SDK1: variants seen among roughly 807,000 people sequenced by gnomAD.
SDK1 encodes sidekick cell adhesion molecule 1, also known as protein sidekick-1.
A neutral mutation model predicts 245.5 loss-of-function variants in SDK1; 157 were observed. That is an observed-to-expected ratio of 0.64 (90% CI 0.56 to 0.73). The LOEUF is 0.73. SDK1 is among the 30% of genes least tolerant of loss of function. The pLI, the probability that SDK1 is intolerant of heterozygous loss-of-function variation, is 0.00. For missense variants in SDK1, 3,583 were observed against 3,002.3 expected, an observed-to-expected ratio of 1.19 and a Z score of -4.52; for synonymous variants, 1,647 against 1,278.5, an observed-to-expected ratio of 1.29 and a Z score of -6.15.
intron 4 of SDK1, among the ~76,000 whole-genome samples, chr7:3,776,068 G>T (rs1055563615): frequency 6.6e-6 from 1 of 152,134 alleles, no homozygotes; most frequent in Non-Finnish European, 1.5e-5. Flanking sequence ...CACCTACCAC[G>T]CATCAAAGTG....
intron 5 of SDK1, among the ~76,000 whole-genome samples, chr7:3,913,561 G>C (rs767735470): frequency 2.0e-4 from 31 of 152,040 alleles, no homozygotes; most frequent in African/African-American, 7.5e-4. Context: ...CCAAAGTGCT[G>C]ACATTACAGG....
At chr7:3,545,872 T>G (rs1274486764) in intron 1 of SDK1, among the ~76,000 whole-genome samples, 1 of 152,254 alleles carries the variant, frequency 6.6e-6, no homozygotes, top group Non-Finnish European at 1.5e-5. Context: ...ATATAATTTC[T>G]GTTCTGTATA....
chr7:3,429,522 T>C (rs893349974), intron 1 of SDK1, among the ~76,000 whole-genome samples: 10 of 152,174 alleles, frequency 6.6e-5, no homozygotes, highest in Non-Finnish European at 1.3e-4. Context: ...CATGTTGTGT[T>C]GTATGGACCT....
intron 25 of SDK1, among the ~76,000 whole-genome samples, chr7:4,118,430 A>G (rs1783853902): frequency 6.6e-6 from 1 of 152,230 alleles, no homozygotes; most frequent in South Asian, 2.1e-4. Flanking sequence ...TTGGACAATA[A>G]CAGGTATTGG....
chr7:3,318,283 T>C (rs565727826), intron 1 of SDK1, among the ~76,000 whole-genome samples: 12 of 152,326 alleles, frequency 7.9e-5, no homozygotes, highest in Admixed American at 3.9e-4. Flanking sequence ...TAACATAGTG[T>C]CATGAGTCGT....
At chr7:4,096,723 G>C (rs1482932030) in intron 22 of SDK1, among the ~76,000 whole-genome samples, 1 of 152,038 alleles carries the variant, frequency 6.6e-6, no homozygotes, top group Non-Finnish European at 1.5e-5. Flanking sequence ...TGTGGAGTGT[G>C]CAGGGCCCTG....
At chr7:4,128,748 G>C (rs1784559920) in intron 26 of SDK1, among the ~76,000 whole-genome samples, 4 of 147,590 alleles carry the variant, frequency 2.7e-5, no homozygotes, top group South Asian at 4.5e-4. Flanking sequence ...GAGCAGCTTG[G>C]GGTGGGGTCC....
intron 1 of SDK1, among the ~76,000 whole-genome samples, chr7:3,360,690 A>G (rs935521065): frequency 1.3e-5 from 2 of 152,150 alleles, no homozygotes; most frequent in Non-Finnish European, 2.9e-5. Flanking sequence ...TGCTGTCACT[A>G]TCCCAACCAC....
chr7:3,391,864 A>C (rs555462756), intron 1 of SDK1, among the ~76,000 whole-genome samples: 1 of 151,742 alleles, frequency 6.6e-6, no homozygotes, highest in African/African-American at 2.4e-5. Context: ...CCTGAGCTCA[A>C]GCAATGCACC....
At chr7:3,721,765 A>G (rs1387379611) in intron 4 of SDK1, among the ~76,000 whole-genome samples, 11 of 152,186 alleles carry the variant, frequency 7.2e-5, no homozygotes, top group Admixed American at 7.2e-4. Context: ...CCATAAGAAA[A>G]GAGAACCCAG....
intron 1 of SDK1, among the ~76,000 whole-genome samples, chr7:3,594,529 A>G (rs1289795243): frequency 6.6e-6 from 1 of 152,158 alleles, no homozygotes; most frequent in Non-Finnish European, 1.5e-5. Context: ...GAGACCGCCA[A>G]ACCATTTCCA....
intron 4 of SDK1, among the ~76,000 whole-genome samples, chr7:3,717,754 A>G (rs1445142099): frequency 1.3e-5 from 2 of 152,240 alleles, no homozygotes; most frequent in African/African-American, 4.8e-5. Context: ...TAAAGCCCTT[A>G]GAGAAACTTA....
intron 5 of SDK1, among the ~76,000 whole-genome samples, chr7:3,856,897 A>G (rs1780561023): frequency 6.6e-6 from 1 of 152,220 alleles, no homozygotes; most frequent in Non-Finnish European, 1.5e-5. Context: ...AGCAACATTA[A>G]TATAAGAAAA....
At chr7:3,929,284 C>T (rs976131966) in intron 5 of SDK1, among the ~76,000 whole-genome samples, 1 of 152,200 alleles carries the variant, frequency 6.6e-6, no homozygotes, top group African/African-American at 2.4e-5. Flanking sequence ...ACAGATTCCT[C>T]GGTGTGTTGT....
chr7:3,998,338 G>A (rs908257708), intron 14 of SDK1, among the ~76,000 whole-genome samples: 1 of 152,250 alleles, frequency 6.6e-6, no homozygotes, highest in African/African-American at 2.4e-5. Flanking sequence ...GCTGGCTGCT[G>A]TCATCAAAAG....
chr7:3,567,661 G>C (rs1431525425), intron 1 of SDK1, among the ~76,000 whole-genome samples: 2 of 152,200 alleles, frequency 1.3e-5, no homozygotes, highest in African/African-American at 4.8e-5. Context: ...TATCATTCCA[G>C]AATTGTCAGG....
At chr7:4,256,307 C>A (rs1384702963) in intron 44 of SDK1, among the ~76,000 whole-genome samples, 1 of 152,232 alleles carries the variant, frequency 6.6e-6, no homozygotes, top group East Asian at 1.9e-4. Flanking sequence ...GACCTCCTCA[C>A]ATTGCCATTC....
At position 3,377,606 on chromosome 7, in the gene SDK1, C is replaced by T. The variant is rs187476623; in HGVS notation, c.298+75722C>T. ...CGTCTCTGTGTCTGTTGTAACAGTT[C>T]TGAGTTCCCTTTGTTCTCTCTCAAG... On this transcript the variant is annotated intron_variant, in intron 1 of 44. Transcript: ENST00000404826. 6.6e-5 allele frequency among the ~76,000 whole-genome samples: 10 copies of T among 152,080 alleles called. 1 individual carries two copies. Among genetic ancestry groups the T allele is most frequent in the African/African-American group, 2.4e-4 (10 of 41,394 alleles).
At chr7:3,473,297 C>A (rs1781241357) in intron 1 of SDK1, among the ~76,000 whole-genome samples, 1 of 152,130 alleles carries the variant, frequency 6.6e-6, no homozygotes, top group Non-Finnish European at 1.5e-5. Flanking sequence ...AAATCCTTTC[C>A]CAAACTGGGG....
Sources: gnomAD v4.1 joint callset for allele counts (sites outside exome capture counted in the v4.1 genomes callset) on GRCh38, gnomAD v4.1.1 for gene constraint, MANE v1.5 for transcripts, NCBI Gene and HGNC (gene_info 2026-07-23, HGNC 2026-07-21) for gene names.